Variants in CNTN4 observed in about 807,000 individuals in gnomAD.
The protein encoded by CNTN4 is contactin-4.
Under a neutral mutation model 122.5 loss-of-function variants are expected in CNTN4, and 77 were observed. That is an observed-to-expected ratio of 0.63 (90% confidence interval 0.52 to 0.76). The LOEUF is 0.76. Ranked by LOEUF, CNTN4 falls within the 30% of genes least tolerant of loss-of-function variation. The pLI, the probability that CNTN4 is intolerant of heterozygous loss-of-function variation, is 0.00. For missense variants in CNTN4, 1,256 were observed against 1,259.1 expected (o/e 1.00, Z 0.04); for synonymous variants, 512 against 447.0 (o/e 1.15, Z -1.83).
intron 16 of CNTN4, among the ~76,000 whole-genome samples, chr3:3,032,438 C>A (rs114264849): frequency 6.6e-6 from 1 of 152,174 alleles, no homozygotes; most frequent in South Asian, 2.1e-4. Flanking sequence ...AATTTGCAAA[C>A]GCAGTCTAAA....
At chr3:2,359,498 C>A (rs551435489) in intron 3 of CNTN4, among the ~76,000 whole-genome samples, 1 of 152,184 alleles carries the variant, frequency 6.6e-6, no homozygotes, top group East Asian at 1.9e-4. Flanking sequence ...TGAGTCAAAT[C>A]CAAACTAGCA....
Position 2,709,147 on chromosome 3 carries a change from A to G in CNTN4, c.56-27068A>G, listed in dbSNP as rs2086944180. ...GTTACAAATGAAGCCTTACCATTTGATGAAAATCCAGCAAAAATGCATATT... is the reference window on the plus strand; with the variant it reads ...GTTACAAATGAAGCCTTACCATTTGGTGAAAATCCAGCAAAAATGCATATT... On this transcript the variant is annotated intron_variant, in intron 4 of 24. Coordinates refer to ENST00000418658, the MANE Select transcript of CNTN4 (RefSeq NM_175607.3). The surrounding 1 kb of genome is among the most constrained non-coding windows in gnomAD (Gnocchi z 5.0). Among the ~76,000 whole-genome samples, 1 of 152,216 alleles carries G rather than the reference A, an allele frequency of 6.6e-6. No homozygotes were observed. The highest frequency in any genetic ancestry group is 6.5e-5 in the Admixed American group (1 of 15,282).
chr3:2,953,490 C>T (rs2094767671), intron 13 of CNTN4, among the ~76,000 whole-genome samples: 1 of 151,660 alleles, frequency 6.6e-6, no homozygotes, highest in Admixed American at 6.6e-5. Flanking sequence ...ATTGGGTCCT[C>T]CTCCATTCTA....
chr3:2,528,342 CAT>C (rs1444268471), intron 3 of CNTN4, among the ~76,000 whole-genome samples: 1 of 152,086 alleles, frequency 6.6e-6, no homozygotes, highest in African/African-American at 2.4e-5. Context: ...TGTATTATCT[CAT>C]ATGTGGAGAA....
intron 3 of CNTN4, among the ~76,000 whole-genome samples, chr3:2,527,911 TTC>T (rs1482988573): frequency 9.2e-5 from 14 of 152,166 alleles, no homozygotes; most frequent in Admixed American, 7.9e-4. Flanking sequence ...AAAGCAAGAG[TTC>T]TGCTTTCCTT....
chr3:3,039,194 C>T (rs1357814105), intron 19 of CNTN4, 191 bp downstream of exon 19: 1 of 599,014 alleles, frequency 1.7e-6, no homozygotes, highest in Admixed American at 2.6e-5. Context: ...ATTGTTGAGG[C>T]AAGTTTTAAT....
chr3:2,597,499 C>T lies in CNTN4; in HGVS notation c.55+25941C>T, dbSNP rs181701895. Among the ~76,000 whole-genome samples the T allele has an allele frequency of 1.6e-3, 236 of 152,250 alleles. 2 individuals carry two copies. Among genetic ancestry groups the T allele is most frequent in the Admixed American group, 0.013 (194 of 15,288 alleles). On this transcript the variant is annotated intron_variant, in intron 4 of 24. Coordinates refer to ENST00000418658, the MANE Select transcript of CNTN4 (RefSeq NM_175607.3). ...GTGTCTTGACATAAGGCTCCTGAGT[C>T]GTAATGTTGATAATCTTCAGCATAG... is the stretch of plus-strand genomic sequence containing the variant.
intron 7 of CNTN4, among the ~76,000 whole-genome samples, chr3:2,823,450 A>G (rs1216850499): frequency 1.1e-4 from 16 of 152,198 alleles, no homozygotes; most frequent in Non-Finnish European, 2.9e-5. Flanking sequence ...ACCAATCACT[A>G]TGTGTGGCCT....
intron 3 of CNTN4, among the ~76,000 whole-genome samples, chr3:2,494,993 T>C (rs1376042256): frequency 6.6e-6 from 1 of 152,220 alleles, no homozygotes; most frequent in Non-Finnish European, 1.5e-5. Flanking sequence ...TACATTTTTT[T>C]TCCTACAAAG....
intron 7 of CNTN4, among the ~76,000 whole-genome samples, chr3:2,842,047 C>G (rs2093370938): frequency 6.6e-6 from 1 of 151,938 alleles, no homozygotes. Context: ...GCCTTCATCA[C>G]CATTTAAAAT....
chr3:2,661,526 A>G lies in CNTN4; in HGVS notation c.56-74689A>G, dbSNP rs535365367. Among the ~76,000 whole-genome samples the G allele has an allele frequency of 8.7e-5, 13 of 150,164 alleles. 1 individual carries two copies. On this transcript the variant is annotated intron_variant, in intron 4 of 24. Coordinates refer to ENST00000418658, the MANE Select transcript of CNTN4 (RefSeq NM_175607.3). ...AATAATTTTTGTTTAAAAAAAAAAAATCCTGGCCAGGCGTGGTGGCTCGTG... is the reference window on the plus strand; with the variant it reads ...AATAATTTTTGTTTAAAAAAAAAAAGTCCTGGCCAGGCGTGGTGGCTCGTG...
intron 2 of CNTN4, among the ~76,000 whole-genome samples, chr3:2,178,454 A>G (rs116169278): frequency 1.3e-5 from 2 of 151,638 alleles, no homozygotes; most frequent in Non-Finnish European, 2.9e-5. Context: ...GTGATTTAGA[A>G]AAAAAAAATT....
At chr3:2,860,006 C>T (rs1252580263) in intron 7 of CNTN4, among the ~76,000 whole-genome samples, 1 of 152,180 alleles carries the variant, frequency 6.6e-6, no homozygotes, top group Non-Finnish European at 1.5e-5. Flanking sequence ...TGCCATCTTG[C>T]TTTTCCATAC....
intron 2 of CNTN4, among the ~76,000 whole-genome samples, chr3:2,165,930 AT>A (rs1444500815): frequency 2.8e-4 from 42 of 152,040 alleles, no homozygotes; most frequent in Non-Finnish European, 2.9e-5. Flanking sequence ...TATATGCTAT[AT>A]TTTATATATA....
intron 23 of CNTN4, among the ~76,000 whole-genome samples, chr3:3,049,907 G>T (rs1701079654): frequency 6.6e-6 from 1 of 152,184 alleles, no homozygotes; most frequent in African/African-American, 2.4e-5. Flanking sequence ...CAGGAATATA[G>T]ATCACTGGCT....
At chr3:2,902,812 A>T in intron 11 of CNTN4, 64 bp from the exon 12 acceptor site, 2 of 1,552,610 alleles carry the variant, frequency 1.3e-6, no homozygotes, top group African/African-American at 1.4e-5. Context: ...TACACATGGT[A>T]AAATTGCCTT....
At chr3:2,366,737 A>T (rs4094128) in intron 3 of CNTN4, among the ~76,000 whole-genome samples, 141,780 of 149,946 alleles carry the variant, frequency 0.95, 67,065 homozygotes, top group Middle Eastern at 1. Flanking sequence ...AAAAAAAAAA[A>T]AATAATAATA....
intron 2 of CNTN4, among the ~76,000 whole-genome samples, chr3:2,218,788 GA>G (rs2038951768): frequency 6.6e-6 from 1 of 152,150 alleles, no homozygotes; most frequent in Non-Finnish European, 1.5e-5. Context: ...TTTCTATCAT[GA>G]ATGAAGCCCT....
intron 9 of CNTN4, among the ~76,000 whole-genome samples, chr3:2,886,440 AT>A (rs2151008781): frequency 6.6e-6 from 1 of 151,808 alleles, no homozygotes; most frequent in East Asian, 1.9e-4. Context: ...AGCAAAAAAC[AT>A]ATGAGGAAAC....
Sources: gnomAD v4.1 joint callset for allele counts (sites outside exome capture counted in the v4.1 genomes callset) on GRCh38, gnomAD v4.1.1 for gene constraint, Gnocchi (gnomAD v3.1) non-coding constraint, MANE v1.5 for transcripts, NCBI Gene and HGNC (gene_info 2026-07-23, HGNC 2026-07-21) for gene names.